Variants in NEGR1 observed in about 807,000 individuals in gnomAD.
NEGR1 encodes the protein IgLON family member 4.
In NEGR1, 10 loss-of-function variants were observed where a neutral mutation model predicts 40.9. The observed-to-expected ratio is 0.24, with a 90% CI of 0.15 to 0.42. The LOEUF (loss-of-function observed/expected upper bound fraction) is 0.42, where lower values mean the gene tolerates loss of function less well. Ranked by LOEUF, NEGR1 falls within the 10% of genes least tolerant of loss-of-function variation. The pLI, the probability that NEGR1 is intolerant of heterozygous loss-of-function variation, is 1.00. For missense variants in NEGR1, 352 were observed against 438.9 expected, an observed-to-expected ratio of 0.80 and a Z score of 1.77; for synonymous variants, 185 against 166.8, an observed-to-expected ratio of 1.11 and a Z score of -0.84.
At chr1:72,098,276 G>A (rs548098384) in intron 1 of NEGR1, among the ~76,000 whole-genome samples, 1 of 151,824 alleles carries the variant, frequency 6.6e-6, no homozygotes, top group African/African-American at 2.4e-5. Context: ...TTAGGCTGAA[G>A]AATGACTGGA....
Position 71,403,985 on chromosome 1 carries a change from A to G in NEGR1, c.*3461T>C. 2.8e-6 allele frequency: 1 copy of G among 352,722 alleles called. No homozygotes were observed. The highest frequency in any genetic ancestry group is 5.2e-6 in the Non-Finnish European group (1 of 193,822). 21.8% of individuals were successfully genotyped at this position (352,722 alleles called of 1,614,324 possible). ...TCTTTTTAAATCATTTCTGGATTTC[A>G]AAAAACAATTTTTATTGAAAAGATT... On this transcript the variant is annotated 3_prime_UTR_variant, in exon 7 of 7. Transcript: ENST00000357731.
intron 2 of NEGR1, among the ~76,000 whole-genome samples, chr1:71,832,044 GT>G (rs1455167413): frequency 6.6e-6 from 1 of 151,838 alleles, no homozygotes; most frequent in African/African-American, 2.4e-5. Context: ...ATTAGAGATG[GT>G]AGAGACTCGA....
intron 4 of NEGR1, among the ~76,000 whole-genome samples, chr1:71,663,510 A>G (rs1652139735): frequency 6.6e-6 from 1 of 152,256 alleles, no homozygotes; most frequent in Admixed American, 6.5e-5. Context: ...ATGTCATAAA[A>G]CCCTTACTTC....
At chr1:72,187,452 G>A (rs962647233) in intron 1 of NEGR1, among the ~76,000 whole-genome samples, 1 of 151,206 alleles carries the variant, frequency 6.6e-6, no homozygotes, top group Non-Finnish European at 1.5e-5. Context: ...TTTAGCATCA[G>A]AGCATCTTTG....
In NEGR1 at chr1:71,401,671, A is replaced by T. The variant is rs1219231639; in HGVS notation, c.*5775T>A. The T allele has an allele frequency of 2.0e-5, 3 of 152,226 alleles. No homozygotes were observed. Among genetic ancestry groups the T allele is most frequent in the African/African-American group, 7.2e-5 (3 of 41,464 alleles). The allele number at this position is 152,226 out of a possible 1,614,324, so 9.4% of individuals were successfully genotyped here. ...AAATCAGTATTGTGAATTTTTTTAA[A>T]AGTGTGTATGTATTCTGATCTCCAT... is the stretch of plus-strand genomic sequence containing the variant. On this transcript the variant is annotated 3_prime_UTR_variant, in exon 7 of 7. Transcript: ENST00000357731.
At chr1:71,487,466 C>T (rs905197900) in intron 6 of NEGR1, among the ~76,000 whole-genome samples, 1 of 151,630 alleles carries the variant, frequency 6.6e-6, no homozygotes, top group Non-Finnish European at 1.5e-5. Flanking sequence ...GCCTTTTACA[C>T]ATTGTTATTC....
At chr1:71,896,450 GC>G (rs1295901161) in intron 2 of NEGR1, among the ~76,000 whole-genome samples, 2 of 152,100 alleles carry the variant, frequency 1.3e-5, no homozygotes, top group East Asian at 3.9e-4. Context: ...AGATACTAGT[GC>G]CTTATCTAAG....
At chr1:71,735,543 T>C (rs981024592) in intron 3 of NEGR1, among the ~76,000 whole-genome samples, 1 of 151,814 alleles carries the variant, frequency 6.6e-6, no homozygotes, top group Non-Finnish European at 1.5e-5. Flanking sequence ...GAAAAACATA[T>C]AGGAGCATAG....
At chr1:72,002,917 C>T (rs1454489301) in intron 1 of NEGR1, among the ~76,000 whole-genome samples, 1 of 152,056 alleles carries the variant, frequency 6.6e-6, no homozygotes, top group Non-Finnish European at 1.5e-5. Flanking sequence ...TAATGGGTTA[C>T]AATTTAGATA....
intron 1 of NEGR1, among the ~76,000 whole-genome samples, chr1:72,135,835 G>T (rs1650442294): frequency 6.6e-6 from 1 of 152,160 alleles, no homozygotes; most frequent in African/African-American, 2.4e-5. Flanking sequence ...ACATCTACAT[G>T]CAATAGAGTG....
At chr1:72,184,250 T>C (rs533911367) in intron 1 of NEGR1, among the ~76,000 whole-genome samples, 11 of 152,188 alleles carry the variant, frequency 7.2e-5, no homozygotes, top group Non-Finnish European at 1.3e-4. Flanking sequence ...TTCTCTGTGC[T>C]CAGTGAAGTC....
At chr1:71,579,556 T>C (rs1181086950) in intron 6 of NEGR1, among the ~76,000 whole-genome samples, 1 of 152,064 alleles carries the variant, frequency 6.6e-6, no homozygotes, top group East Asian at 1.9e-4. Context: ...ATAATACAAC[T>C]ACTTAAGTTT....
chr1:71,680,868 T>C (rs1365361823), intron 4 of NEGR1, among the ~76,000 whole-genome samples: 1 of 152,232 alleles, frequency 6.6e-6, no homozygotes, highest in African/African-American at 2.4e-5. Flanking sequence ...TATGGCTTCC[T>C]TTTGCCAGAA....
chr1:71,639,840 G>A (rs567711861), intron 4 of NEGR1, among the ~76,000 whole-genome samples: 1 of 152,120 alleles, frequency 6.6e-6, no homozygotes, highest in East Asian at 1.9e-4. Context: ...TGGAGGAAGG[G>A]AATGGGAAAA....
chr1:72,253,272 G>T (rs187982733), intron 1 of NEGR1, among the ~76,000 whole-genome samples: 1 of 152,170 alleles, frequency 6.6e-6, no homozygotes, highest in East Asian at 1.9e-4. Context: ...GGAAATAGTT[G>T]AAGAATTGAA....
chr1:72,125,097 T>C (rs1459164864), intron 1 of NEGR1, among the ~76,000 whole-genome samples: 4 of 152,186 alleles, frequency 2.6e-5, no homozygotes, highest in African/African-American at 9.6e-5. Context: ...AAGAGTGACA[T>C]CTAGGAAAAC....
chr1:71,718,576 T>C (rs1286249036), intron 3 of NEGR1, among the ~76,000 whole-genome samples: 3 of 152,342 alleles, frequency 2.0e-5, no homozygotes, highest in East Asian at 3.9e-4. Flanking sequence ...AAATAAGACA[T>C]ATTGCCTTAT....
chr1:72,266,080 C>A (rs996712231), intron 1 of NEGR1, among the ~76,000 whole-genome samples: 1 of 150,862 alleles, frequency 6.6e-6, no homozygotes, highest in South Asian at 2.1e-4. Flanking sequence ...GTTATTACAT[C>A]ATCATAATGT....
chr1:72,151,204 G>A (rs1651112633), intron 1 of NEGR1, among the ~76,000 whole-genome samples: 1 of 151,410 alleles, frequency 6.6e-6, no homozygotes, highest in Admixed American at 6.6e-5. Context: ...ATGCATAAAT[G>A]TTTGCTTCTG....
Sources: allele counts gnomAD v4.1 joint callset (sites outside exome capture counted in the v4.1 genomes callset), GRCh38; gene constraint gnomAD v4.1.1; transcripts MANE v1.5; gene names NCBI Gene and HGNC (gene_info 2026-07-23, HGNC 2026-07-21).